DIXDC1: variants seen among roughly 807,000 people sequenced by gnomAD.
DIXDC1 encodes dixin.
DIXDC1 carries 64 observed loss-of-function variants against 103.1 expected under a neutral mutation model. The observed-to-expected ratio is 0.62, with a 90% CI of 0.51 to 0.76. The LOEUF is 0.76. DIXDC1 is among the 30% of genes least tolerant of loss of function. The probability of loss-of-function intolerance (pLI) is 0.00; values close to 1 mark genes in which losing one functional copy is unlikely to be tolerated. For missense variants in DIXDC1, 759 were observed against 834.2 expected (o/e 0.91, Z 1.11); for synonymous variants, 266 against 298.5 (o/e 0.89, Z 1.12).
Position 111,986,908 on chromosome 11 carries a change from A to G in DIXDC1, c.1046A>G (p.Glu349Gly). 3.2e-6 allele frequency: 5 copies of G among 1,577,798 alleles called. No homozygotes were observed. The highest frequency in any genetic ancestry group is 4.3e-6 in the Non-Finnish European group (5 of 1,160,622). The part of the protein sequence containing the change: ...IQSRLDQSME[E>G]NQDLKKELLK... ...AGTCGTCTGGATCAGAGTATGGAGG[A>G]GAATCAGGACTTAAAGGTATGTCAA... The change falls in exon 9 of 20, where the codon GAG becomes GGG. Residue 349 changes from glutamate to glycine, a missense_variant. Around this residue, in one of 3 missense-constraint regions of DIXDC1, gnomAD observed 657 missense variants for 727.5 expected, o/e 0.90. Coordinates refer to ENST00000440460, the MANE Select transcript of DIXDC1 (RefSeq NM_001037954.4).
intron 1 of DIXDC1, among the ~76,000 whole-genome samples, chr11:111,950,244 AAAG>A (rs1359429662): frequency 2.0e-5 from 3 of 151,616 alleles, no homozygotes; most frequent in Non-Finnish European, 4.4e-5. Context: ...TGACCCAAAA[AAAG>A]AAAAAGAAAA....
At chr11:111,934,681 C>T (rs1966138653), upstream of DIXDC1, among the ~76,000 whole-genome samples, 1 of 151,928 alleles carries the variant, frequency 6.6e-6, no homozygotes, top group Admixed American at 6.6e-5. Context: ...AGCTAAAGCT[C>T]AGTTCTTCAT....
upstream of DIXDC1, among the ~76,000 whole-genome samples, chr11:111,936,796 T>C (rs1268461292): frequency 6.6e-6 from 1 of 152,016 alleles, no homozygotes; most frequent in Non-Finnish European, 1.5e-5. Flanking sequence ...TATGATTCAC[T>C]CCCTTTCCCA....
chr11:111,949,087 T>C (rs1966692284), intron 1 of DIXDC1, among the ~76,000 whole-genome samples: 1 of 152,104 alleles, frequency 6.6e-6, no homozygotes, highest in Admixed American at 6.6e-5. Context: ...GCAGGGTCAA[T>C]GTGAAGGGAA....
intron 17 of DIXDC1, among the ~76,000 whole-genome samples, chr11:112,004,236 G>C (rs1238042909): frequency 2.0e-5 from 3 of 151,954 alleles, no homozygotes; most frequent in African/African-American, 4.8e-5. Context: ...TGGCTGTGGG[G>C]ATAGAGTCTA....
chr11:111,962,147 A>C (rs1207733899), intron 1 of DIXDC1, among the ~76,000 whole-genome samples: 1 of 152,116 alleles, frequency 6.6e-6, no homozygotes, highest in Non-Finnish European at 1.5e-5. Flanking sequence ...GAGGTCAGGG[A>C]AAGCTTTCTG....
upstream of DIXDC1, among the ~76,000 whole-genome samples, chr11:111,936,910 C>T (rs1426444147): frequency 6.6e-6 from 1 of 150,530 alleles, no homozygotes; most frequent in Non-Finnish European, 1.5e-5. Flanking sequence ...GCACACCCGC[C>T]TGCAAGCCTG....
At chr11:111,932,027 C>CTT (rs59805759) in intron 2 of DIXDC1, among the ~76,000 whole-genome samples, 185 of 99,128 alleles carry the variant, frequency 1.9e-3, no homozygotes, top group Non-Finnish European at 2.7e-3. Flanking sequence ...GGCAGATAAC[C>CTT]TTTTTTTTTT....
At chr11:111,949,187 A>G (rs1208540221) in intron 1 of DIXDC1, among the ~76,000 whole-genome samples, 1 of 152,076 alleles carries the variant, frequency 6.6e-6, no homozygotes, top group Non-Finnish European at 1.5e-5. Flanking sequence ...CTCACTGGCA[A>G]ACTTATCTAG....
rs587602918 is a variant in DIXDC1 at position 112,019,329 on chromosome 11, T to C, written c.*293T>C. ...AACCGAAGGCCTTAAACGATGGGGA[T>C]GGATGATCCCGCCTCTGTAGGGGCA... On this transcript the variant is annotated 3_prime_UTR_variant, in exon 20 of 20. Transcript: ENST00000440460. The C allele has an allele frequency of 1.1e-3, 233 of 216,728 alleles. No individual in the cohort carries two copies. Among genetic ancestry groups the C allele is most frequent in the Non-Finnish European group, 1.9e-3 (204 of 108,352 alleles). The allele number at this position is 216,728 out of a possible 1,614,324, so 13.4% of individuals were successfully genotyped here.
intron 19 of DIXDC1, among the ~76,000 whole-genome samples, chr11:112,018,712 TATTA>T (rs1861671060): frequency 6.6e-6 from 1 of 152,208 alleles, no homozygotes. Flanking sequence ...ATTGGTAATT[TATTA>T]ATTCTTACAA....
intron 17 of DIXDC1, among the ~76,000 whole-genome samples, chr11:112,007,191 G>C (rs1555176697): frequency 6.6e-6 from 1 of 152,124 alleles, no homozygotes; most frequent in Non-Finnish European, 1.5e-5. Context: ...GCGATCAAGT[G>C]GAAGAAAGGG....
chr11:111,961,982 T>C (rs1859593584), intron 1 of DIXDC1, among the ~76,000 whole-genome samples: 1 of 152,170 alleles, frequency 6.6e-6, no homozygotes, highest in African/African-American at 2.4e-5. Context: ...AATACTCTGT[T>C]AGCACCCTAT....
chr11:112,002,096 A>G (rs1302359753), intron 17 of DIXDC1, among the ~76,000 whole-genome samples: 1 of 152,026 alleles, frequency 6.6e-6, no homozygotes, highest in Non-Finnish European at 1.5e-5. Context: ...AGAAGACAGT[A>G]TAGGAACCTT....
At chr11:111,945,934 ATTT>A (rs59564914) in intron 1 of DIXDC1, 4 of 119,802 alleles carry the variant, frequency 3.3e-5, no homozygotes, top group Non-Finnish European at 4.9e-5. Flanking sequence ...AGCCCGGTTA[ATTT>A]TTTTTTTTTT....
intron 1 of DIXDC1, chr11:111,929,774 T>C: frequency 7.4e-7 from 1 of 1,353,670 alleles, no homozygotes; most frequent in Non-Finnish European, 1.0e-6. Context: ...ATTTTTTTTT[T>C]CCTGGCTTGT....
rs1555172706 is a variant in DIXDC1, at chr11:111,977,212, G to A, written c.656+2229G>A. ...CCCGCACCCTCAACCTCCGTCCAGAGCGGTCGGTTGGCCAGCGGAGCTGGC... is the reference window on the plus strand; with the variant it reads ...CCCGCACCCTCAACCTCCGTCCAGAACGGTCGGTTGGCCAGCGGAGCTGGC... On this transcript the variant is annotated intron_variant, in intron 5 of 19. Transcript: ENST00000440460. The surrounding 1 kb of genome is among the most constrained non-coding windows in gnomAD (Gnocchi z 6.1). 4.0e-5 allele frequency: 39 copies of A among 983,698 alleles called. No individual in the cohort carries two copies. The highest frequency in any genetic ancestry group is 4.5e-5 in the Non-Finnish European group (37 of 826,378). The allele number at this position is 983,698 out of a possible 1,614,324, so 60.9% of individuals were successfully genotyped here. A position where few individuals can be genotyped will look rare whatever the true frequency, so the allele number is the denominator to read the frequency against.
intron 2 of DIXDC1, among the ~76,000 whole-genome samples, chr11:111,965,925 G>T (rs782214109): frequency 6.6e-6 from 1 of 152,132 alleles, no homozygotes; most frequent in Non-Finnish European, 1.5e-5. Flanking sequence ...TCCAAAGCCT[G>T]TTTTAAACAT....
chr11:111,992,128 C>T (rs587616186), intron 10 of DIXDC1, among the ~76,000 whole-genome samples: 2 of 152,220 alleles, frequency 1.3e-5, no homozygotes, highest in African/African-American at 4.8e-5. Flanking sequence ...CTCGAATACA[C>T]CATGCTGTCA....
Sources: allele counts gnomAD v4.1 joint callset (sites outside exome capture counted in the v4.1 genomes callset), GRCh38; gene constraint gnomAD v4.1.1; regional missense constraint gnomAD v4.1.1; non-coding constraint Gnocchi (gnomAD v3.1); transcripts MANE v1.5; gene names NCBI Gene and HGNC (gene_info 2026-07-23, HGNC 2026-07-21).